The following LAMB1 variants were observed in gnomAD, a reference collection of about 807,000 sequenced individuals.
LAMB1 encodes the protein laminin subunit beta 1.
In LAMB1, 121 loss-of-function variants were observed where a neutral mutation model predicts 222.3. That is an observed-to-expected ratio of 0.54 (90% CI 0.47 to 0.63). The LOEUF is 0.63. Ranked by LOEUF, LAMB1 falls within the 30% of genes least tolerant of loss-of-function variation. The probability of loss-of-function intolerance (pLI) is 0.00; values close to 1 mark genes in which losing one functional copy is unlikely to be tolerated. For missense variants in LAMB1, 2,172 were observed against 2,240.8 expected (o/e 0.97, Z 0.62); for synonymous variants, 794 against 807.2 (o/e 0.98, Z 0.28).
At chr7:107,960,090 G>C (rs1035541473) in intron 18 of LAMB1, among the ~76,000 whole-genome samples, 1 of 152,146 alleles carries the variant, frequency 6.6e-6, no homozygotes, top group African/African-American at 2.4e-5. Flanking sequence ...CCAAAGCCCA[G>C]TGACCTTCAG....
chr7:107,998,939 C>A (rs1231139748), intron 3 of LAMB1, among the ~76,000 whole-genome samples: 1 of 152,166 alleles, frequency 6.6e-6, no homozygotes, highest in African/African-American at 2.4e-5. Context: ...GAAGCAGAAA[C>A]CAAGTATTAG....
chr7:107,955,516 T>C lies in LAMB1; in HGVS notation c.2805A>G (p.Gln935=), dbSNP rs970622163. 1.2e-6 allele frequency: 2 copies of C among 1,614,020 alleles called. No homozygotes were observed. Among genetic ancestry groups the C allele is most frequent in the African/African-American group, 2.7e-5 (2 of 74,924 alleles). The part of the protein sequence containing the change: ...SGRQFARSCY[Q]DPVTLQLACV... Reference sequence around the variant, plus strand: ...AGGCAAGCTGTAAAGTAACAGGATCTTGGTAGCAGCTCCTGGCAAACTGGC... The same window carrying C: ...AGGCAAGCTGTAAAGTAACAGGATCCTGGTAGCAGCTCCTGGCAAACTGGC... Residue 935 remains glutamine (Q), a synonymous_variant, in exon 21 of 34, where the codon CAA becomes CAG. Transcript: ENST00000222399.
At chr7:107,993,251 G>A (rs916053115) in intron 5 of LAMB1, among the ~76,000 whole-genome samples, 6 of 152,000 alleles carry the variant, frequency 3.9e-5, no homozygotes, top group African/African-American at 9.7e-5. Context: ...CTCCTGCCTC[G>A]GCCTCCCAAG....
intron 10 of LAMB1, 79 bp downstream of exon 10, chr7:107,975,610 G>T (rs1470689470): frequency 1.4e-6 from 2 of 1,398,074 alleles, no homozygotes; most frequent in African/African-American, 1.4e-5. Flanking sequence ...CATACTATGA[G>T]CTCTGAGACT....
At chr7:107,934,610 A>G (rs996955987) in intron 27 of LAMB1, among the ~76,000 whole-genome samples, 2 of 152,142 alleles carry the variant, frequency 1.3e-5, no homozygotes, top group Non-Finnish European at 2.9e-5. Context: ...TTTCAGGGTT[A>G]ATCTTCACCA....
Position 107,955,529 on chromosome 7 carries a change from C to A in LAMB1, c.2792G>T (p.Arg931Met). The A allele has an allele frequency of 6.2e-7, 1 of 1,614,120 alleles. No homozygotes were observed. The highest frequency in any genetic ancestry group is 8.5e-7 in the Non-Finnish European group (1 of 1,180,010). The change falls in exon 21 of 34, where the codon AGG (arginine) becomes ATG (methionine). Residue 931 changes from arginine (R) to methionine (M), a missense_variant. Physicochemically the swap from Arg to Met is moderately conservative, Grantham distance 91. Coordinates refer to ENST00000222399, the MANE Select transcript of LAMB1 (RefSeq NM_002291.3). ...DGPDSGRQFA[R>M]SCYQDPVTLQ... ...AGTAACAGGATCTTGGTAGCAGCTCCTGGCAAACTGGCGTCCACTGTCGGG... is the reference window on the plus strand; with the variant it reads ...AGTAACAGGATCTTGGTAGCAGCTCATGGCAAACTGGCGTCCACTGTCGGG...
chr7:107,951,037 A>G (rs1011564114), intron 24 of LAMB1, 189 bp downstream of exon 24: 27 of 560,076 alleles, frequency 4.8e-5, no homozygotes, highest in Non-Finnish European at 7.4e-5. Context: ...GACTACCTAT[A>G]CTTATGGGCA....
intron 5 of LAMB1, among the ~76,000 whole-genome samples, chr7:107,986,888 G>C (rs2034089421): frequency 6.6e-6 from 1 of 152,182 alleles, no homozygotes; most frequent in East Asian, 1.9e-4. Context: ...CTTTGGAAAA[G>C]CAAGAGGAAG....
intron 3 of LAMB1, among the ~76,000 whole-genome samples, chr7:108,000,989 CCTGAAATTTCA>C (rs1246730495): frequency 1.2e-4 from 19 of 152,250 alleles, no homozygotes; most frequent in Admixed American, 1.0e-3. Flanking sequence ...CAGGTAACAC[CCTGAAATTTCA>C]CTGTGGTCTT....
intron 24 of LAMB1, among the ~76,000 whole-genome samples, chr7:107,941,456 T>C (rs1389091603): frequency 6.6e-6 from 1 of 152,192 alleles, no homozygotes; most frequent in Non-Finnish European, 1.5e-5. Context: ...CAGGGGCACA[T>C]CTTAAACCAT....
chr7:107,980,554 T>G, intron 8 of LAMB1, 55 bp downstream of exon 8: 1 of 1,417,352 alleles, frequency 7.1e-7, no homozygotes, highest in South Asian at 1.2e-5. Context: ...TAGCTTCACT[T>G]TGCATTTTAT....
At chr7:107,929,780 G>C in intron 29 of LAMB1, 161 bp from the exon 30 acceptor site, 1 of 579,004 alleles carries the variant, frequency 1.7e-6, no homozygotes, top group Non-Finnish European at 3.0e-6. Context: ...GGGATTTTGA[G>C]GGGAGATGAG....
chr7:107,961,147 C>T, intron 17 of LAMB1, 59 bp downstream of exon 17: 1 of 1,605,424 alleles, frequency 6.2e-7, no homozygotes, highest in Non-Finnish European at 8.5e-7. Flanking sequence ...ACCCTGAGAG[C>T]AGCTGGGCAC....
At chr7:107,953,479 A>G (rs1293323227) in intron 22 of LAMB1, 51 bp downstream of exon 22, 2 of 1,310,170 alleles carry the variant, frequency 1.5e-6, no homozygotes, top group South Asian at 1.2e-5. Flanking sequence ...TGATAATGAA[A>G]AAAAGGTGGA....
rs188495767 is a variant in LAMB1 at position 107,980,843 on chromosome 7, G to C, written c.677-32C>G. On this transcript the variant is annotated intron_variant, in intron 7 of 33. Transcript: ENST00000222399. ...AGGTCATCAAGAAGATGAAAAGTCTGATCAGACAAGCAAGAAGTTTTTTTT... is the reference window on the plus strand; with the variant it reads ...AGGTCATCAAGAAGATGAAAAGTCTCATCAGACAAGCAAGAAGTTTTTTTT... 1,772 of 1,373,474 alleles carry C rather than the reference G, an allele frequency of 1.3e-3. 19 individuals carry two copies. The highest frequency in any genetic ancestry group is 9.7e-4 in the Admixed American group (53 of 54,836). 85.1% of individuals were successfully genotyped at this position (1,373,474 alleles called of 1,614,324 possible).
intron 20 of LAMB1, 36 bp downstream of exon 20, chr7:107,959,213 A>G (rs372469892): frequency 8.9e-5 from 137 of 1,533,634 alleles, no homozygotes; most frequent in Non-Finnish European, 7.2e-6. Context: ...TCAGCCAGAG[A>G]TCACTACATT....
chr7:107,938,606 T>C (rs1464944796), intron 25 of LAMB1, among the ~76,000 whole-genome samples: 1 of 152,166 alleles, frequency 6.6e-6, no homozygotes, highest in Non-Finnish European at 1.5e-5. Context: ...ATGTAATCTC[T>C]CTTCTGGCAG....
At chr7:107,999,574 A>T (rs569681621) in intron 3 of LAMB1, among the ~76,000 whole-genome samples, 1 of 152,264 alleles carries the variant, frequency 6.6e-6, no homozygotes, top group East Asian at 1.9e-4. Flanking sequence ...TGTACTGTCT[A>T]AAAAACAGAG....
chr7:107,994,832 G>T, intron 5 of LAMB1, 55 bp downstream of exon 5: 1 of 922,504 alleles, frequency 1.1e-6, no homozygotes, highest in Non-Finnish European at 1.7e-6. Flanking sequence ...TTTTGAAAGG[G>T]GACATTACAC....
Sources: gnomAD v4.1 joint callset for allele counts (sites outside exome capture counted in the v4.1 genomes callset) on GRCh38, gnomAD v4.1.1 for gene constraint, MANE v1.5 for transcripts, NCBI Gene and HGNC (gene_info 2026-07-23, HGNC 2026-07-21) for gene names.